Variants in ADAMTS2 observed in about 807,000 individuals in gnomAD.
The protein encoded by ADAMTS2 is ADAM metallopeptidase with thrombospondin type 1 motif 2.
Under a neutral mutation model 123.0 loss-of-function variants are expected in ADAMTS2, and 50 were observed. The observed-to-expected ratio is 0.41, with a 90% CI of 0.32 to 0.51. ADAMTS2 has a LOEUF of 0.51. Ranked by LOEUF, ADAMTS2 falls within the 20% of genes least tolerant of loss-of-function variation. ADAMTS2 has a pLI of 0.35. For missense variants in ADAMTS2, 1,494 were observed against 1,705.2 expected, an observed-to-expected ratio of 0.88 and a Z score of 2.18; for synonymous variants, 678 against 695.4, an observed-to-expected ratio of 0.98 and a Z score of 0.39.
At chr5:179,120,711 G>C (rs1762742359) in intron 21 of ADAMTS2, 1 of 152,148 alleles carries the variant, frequency 6.6e-6, no homozygotes, top group Admixed American at 6.5e-5. Flanking sequence ...TGGCCAGTGG[G>C]GCATCAGGGC....
chr5:179,213,459 C>T (rs1278904680), intron 3 of ADAMTS2, among the ~76,000 whole-genome samples: 9 of 152,104 alleles, frequency 5.9e-5, no homozygotes, highest in South Asian at 2.1e-4. Flanking sequence ...CACAGGTAAC[C>T]GCAGGGCTGT....
intron 2 of ADAMTS2, among the ~76,000 whole-genome samples, chr5:179,342,907 C>A (rs182549034): frequency 6.6e-6 from 1 of 152,236 alleles, no homozygotes; most frequent in African/African-American, 2.4e-5. Context: ...GCAGAGCTTC[C>A]CAGAGCTCCA....
At chr5:179,200,679 T>C (rs143651284) in intron 4 of ADAMTS2, among the ~76,000 whole-genome samples, 92 of 152,202 alleles carry the variant, frequency 6.0e-4, no homozygotes, top group Admixed American at 2.6e-3. Flanking sequence ...ACTCAGAAGA[T>C]TAACTTCTGG....
chr5:179,296,277 G>C (rs909171563), intron 2 of ADAMTS2, among the ~76,000 whole-genome samples: 1 of 150,256 alleles, frequency 6.7e-6, no homozygotes, highest in East Asian at 1.9e-4. Flanking sequence ...GATGGGACCC[G>C]GGAGCAGCCG....
chr5:179,328,118 C>T (rs921557994), intron 2 of ADAMTS2, among the ~76,000 whole-genome samples: 19 of 152,320 alleles, frequency 1.2e-4, no homozygotes, highest in African/African-American at 2.6e-4. Context: ...CTGCAGGCTC[C>T]GCCTCCCGGG....
chr5:179,332,423 A>T lies in ADAMTS2; in HGVS notation c.534+11344T>A, dbSNP rs1757504353. ...TCAACCCAACAATCCAGAAACTCTTATATCAGGAACAAGGGGACTCAGACC... is the reference window on the plus strand; with the variant it reads ...TCAACCCAACAATCCAGAAACTCTTTTATCAGGAACAAGGGGACTCAGACC... On this transcript the variant is annotated intron_variant, in intron 2 of 21. Coordinates refer to ENST00000251582, the MANE Select transcript of ADAMTS2 (RefSeq NM_014244.5). This position sits in a 1 kb window ranked among gnomAD's most constrained non-coding sequence, Gnocchi z 4.2. Among the ~76,000 whole-genome samples, 1 of 152,218 alleles carries T rather than the reference A, an allele frequency of 6.6e-6. No homozygotes were observed. Among genetic ancestry groups the T allele is most frequent in the South Asian group, 2.1e-4 (1 of 4,834 alleles).
At chr5:179,251,575 C>G (rs1435093373) in intron 3 of ADAMTS2, among the ~76,000 whole-genome samples, 1 of 152,068 alleles carries the variant, frequency 6.6e-6, no homozygotes, top group African/African-American at 2.4e-5. Flanking sequence ...GTGACCTAGC[C>G]CCGGCCCTCC....
At chr5:179,126,182 G>C in intron 17 of ADAMTS2, 52 bp from the exon 18 acceptor site, 1 of 1,611,026 alleles carries the variant, frequency 6.2e-7, no homozygotes, top group South Asian at 1.1e-5. Flanking sequence ...CCCTGCCCGA[G>C]GGTGCAAGGA....
At chr5:179,223,047 G>C (rs1398688730) in intron 3 of ADAMTS2, among the ~76,000 whole-genome samples, 1 of 152,252 alleles carries the variant, frequency 6.6e-6, no homozygotes, top group African/African-American at 2.4e-5. Context: ...ACAAGTCACT[G>C]TCTCCTTCTC....
At chr5:179,302,791 A>G (rs539129078) in intron 2 of ADAMTS2, among the ~76,000 whole-genome samples, 18 of 152,076 alleles carry the variant, frequency 1.2e-4, no homozygotes, top group Non-Finnish European at 2.6e-4. Flanking sequence ...GGAAAGAGGC[A>G]GCGATGGAGA....
rs886060499 is a variant in ADAMTS2 at position 179,345,341 on chromosome 5, G to T, written c.-13C>A. 332 of 1,133,142 alleles carry T rather than the reference G, an allele frequency of 2.9e-4. No homozygotes were observed. The highest frequency in any genetic ancestry group is 1.9e-3 in the Middle Eastern group (5 of 2,680). 70.2% of individuals were successfully genotyped at this position (1,133,142 alleles called of 1,614,324 possible). On this transcript the variant is annotated 5_prime_UTR_variant, in exon 1 of 22. Transcript: ENST00000251582. The surrounding 1 kb of genome is among the most constrained non-coding windows in gnomAD (Gnocchi z 7.5). Reference sequence around the variant, plus strand: ...CCGGCGGATCCATGGCAGCCGGACTGCAGCCGGGGCCCCGCACTCGCAGCC... The same window carrying T: ...CCGGCGGATCCATGGCAGCCGGACTTCAGCCGGGGCCCCGCACTCGCAGCC...
At chr5:179,184,971 G>A (rs1359805379) in intron 4 of ADAMTS2, among the ~76,000 whole-genome samples, 1 of 152,188 alleles carries the variant, frequency 6.6e-6, no homozygotes, top group Admixed American at 6.5e-5. Flanking sequence ...CATGTCATGA[G>A]ACCTGAGAAA....
intron 10 of ADAMTS2, among the ~76,000 whole-genome samples, chr5:179,150,128 G>GTT (rs374949969): frequency 0.18 from 27,043 of 152,064 alleles, 3,002 homozygotes; most frequent in Non-Finnish European, 0.25. Context: ...ACCAGCTCCT[G>GTT]CTCCTGCTCC....
intron 2 of ADAMTS2, among the ~76,000 whole-genome samples, chr5:179,296,598 A>G (rs1350066249): frequency 6.6e-6 from 1 of 152,122 alleles, no homozygotes; most frequent in Non-Finnish European, 1.5e-5. Flanking sequence ...TCCGACTCGG[A>G]TAAGGAAGGA....
intron 3 of ADAMTS2, among the ~76,000 whole-genome samples, chr5:179,269,313 G>A (rs760361940): frequency 1.2e-4 from 18 of 152,278 alleles, no homozygotes; most frequent in African/African-American, 2.6e-4. Context: ...GTATTAGTCC[G>A]TTTTCACAAT....
chr5:179,213,872 G>A (rs902239620), intron 3 of ADAMTS2, among the ~76,000 whole-genome samples: 4 of 152,234 alleles, frequency 2.6e-5, no homozygotes, highest in Non-Finnish European at 5.9e-5. Context: ...GTGCAAGGAA[G>A]GAGAGACAAG....
intron 2 of ADAMTS2, among the ~76,000 whole-genome samples, chr5:179,288,163 G>A (rs541561924): frequency 9.2e-5 from 14 of 152,210 alleles, no homozygotes; most frequent in Middle Eastern, 3.4e-3. Flanking sequence ...GGACCCCTCC[G>A]GCCTCATGCA....
intron 2 of ADAMTS2, among the ~76,000 whole-genome samples, chr5:179,296,489 G>A (rs1012770577): frequency 2.0e-5 from 3 of 152,204 alleles, no homozygotes; most frequent in Non-Finnish European, 4.4e-5. Flanking sequence ...AAGTAAGGGA[G>A]GAGGGATGGG....
Position 179,272,832 on chromosome 5 carries a change from T to C in ADAMTS2, c.688+79A>G. 1 of 1,541,258 alleles carries C rather than the reference T, an allele frequency of 6.5e-7. No individual in the cohort carries two copies. The highest frequency in any genetic ancestry group is 1.4e-5 in the African/African-American group (1 of 73,328). On this transcript the variant is annotated intron_variant, in intron 3 of 21. Coordinates refer to ENST00000251582, the MANE Select transcript of ADAMTS2 (RefSeq NM_014244.5). This position sits in a 1 kb window ranked among gnomAD's most constrained non-coding sequence, Gnocchi z 5.8. Reference sequence around the variant, plus strand: ...CCAAGCTGGTCTGTGGAGAGCTGCCTGAGTCTCTGGGATGCTCCCCTGGGG... The same window carrying C: ...CCAAGCTGGTCTGTGGAGAGCTGCCCGAGTCTCTGGGATGCTCCCCTGGGG...
Sources: allele counts gnomAD v4.1 joint callset (sites outside exome capture counted in the v4.1 genomes callset), GRCh38; gene constraint gnomAD v4.1.1; non-coding constraint Gnocchi (gnomAD v3.1); transcripts MANE v1.5; gene names NCBI Gene and HGNC (gene_info 2026-07-23, HGNC 2026-07-21).